The following WWOX variants were observed in gnomAD, a reference collection of about 807,000 sequenced individuals.
WWOX encodes the protein WW domain-containing oxidoreductase.
Under a neutral mutation model 46.2 loss-of-function variants are expected in WWOX, and 69 were observed. The observed-to-expected ratio is 1.49, with a 90% CI of 1.23 to 1.82. The LOEUF is 1.82. WWOX is among the 40% of genes most tolerant of loss of function. The probability of loss-of-function intolerance (pLI) is 0.00; values close to 1 mark genes in which losing one functional copy is unlikely to be tolerated. For synonymous variants in WWOX, 359 were observed against 202.6 expected, an observed-to-expected ratio of 1.77 and a Z score of -6.56; for missense variants, 919 against 542.6, an observed-to-expected ratio of 1.69 and a Z score of -6.89.
rs940090519 is a variant in WWOX, at chr16:78,961,457, GTGGATGGATGGA to G, written c.1057-250137_1057-250126del. ...GATACATGGATGGATGGATGGATGG[GTGGATGGATGGA>G]TGGATGGATGGATAGGTAGATGGAT... is the stretch of plus-strand genomic sequence containing the variant. On this transcript the variant is annotated intron_variant, in intron 8 of 8. Coordinates refer to ENST00000566780, the MANE Select transcript of WWOX (RefSeq NM_016373.4). Among the ~76,000 whole-genome samples, 4 of 151,754 alleles carry G rather than the reference GTGGATGGATGGA, an allele frequency of 2.6e-5. No homozygotes were observed. In the South Asian group the frequency reaches 6.3e-4, roughly 24 times the overall value.
intron 5 of WWOX, among the ~76,000 whole-genome samples, chr16:78,165,544 G>A (rs1275832006): frequency 6.6e-6 from 1 of 152,146 alleles, no homozygotes; most frequent in Admixed American, 6.5e-5. Flanking sequence ...GGTCAGATGG[G>A]GTAGGGGAAT....
At chr16:78,572,602 C>CAAAAAAAA (rs35178787) in intron 8 of WWOX, among the ~76,000 whole-genome samples, 4 of 41,500 alleles carry the variant, frequency 9.6e-5, no homozygotes, top group Non-Finnish European at 1.3e-4. Flanking sequence ...GACTCTGTCT[C>CAAAAAAAA]AAAAAAAAAA....
At chr16:78,109,749 C>T in intron 2 of WWOX, 29 bp from the exon 3 acceptor site, 1 of 1,613,624 alleles carries the variant, frequency 6.2e-7, no homozygotes, top group African/African-American at 1.3e-5. Flanking sequence ...CTCCCTGGCA[C>T]CTGTAGACCT....
At chr16:79,145,056 C>T (rs910025053) in intron 8 of WWOX, among the ~76,000 whole-genome samples, 2 of 152,146 alleles carry the variant, frequency 1.3e-5, no homozygotes, top group Admixed American at 6.5e-5. Context: ...TGTAAGTGAG[C>T]GCGTTCTTGG....
intron 8 of WWOX, among the ~76,000 whole-genome samples, chr16:78,978,535 G>C (rs2151330893): frequency 6.6e-6 from 1 of 152,294 alleles, no homozygotes; most frequent in East Asian, 1.9e-4. Context: ...AAATGCCTGA[G>C]ACTGGGTAAT....
chr16:78,712,317 C>G (rs1455583921), intron 8 of WWOX, among the ~76,000 whole-genome samples: 6 of 152,028 alleles, frequency 3.9e-5, no homozygotes, highest in Non-Finnish European at 4.4e-5. Flanking sequence ...TCCTGGCCAA[C>G]CTGGTGAAAC....
rs903851159 is a variant in WWOX at position 79,075,725 on chromosome 16, G to A, written c.1057-135883G>A. Among the ~76,000 whole-genome samples, 5 of 151,884 alleles carry A rather than the reference G, an allele frequency of 3.3e-5. No individual in the cohort carries two copies. The East Asian group carries it at 7.7e-4, about 23-fold the overall frequency. ...ACATCACCACACCTGGCTACTTTTTGTATTTTTAGTAGAGATGGGGTCTCA... is the reference window on the plus strand; with the variant it reads ...ACATCACCACACCTGGCTACTTTTTATATTTTTAGTAGAGATGGGGTCTCA... On this transcript the variant is annotated intron_variant, in intron 8 of 8. Transcript: ENST00000566780.
chr16:78,655,726 C>A (rs1483951149), intron 8 of WWOX, among the ~76,000 whole-genome samples: 1 of 151,936 alleles, frequency 6.6e-6, no homozygotes, highest in Non-Finnish European at 1.5e-5. Flanking sequence ...GGCTGTGGTT[C>A]CTATTATAGA....
chr16:78,553,958 A>G (rs1447648552), intron 8 of WWOX, among the ~76,000 whole-genome samples: 2 of 152,060 alleles, frequency 1.3e-5, no homozygotes, highest in African/African-American at 4.8e-5. Flanking sequence ...GTCATACAGC[A>G]GAGGGCTGTG....
intron 8 of WWOX, among the ~76,000 whole-genome samples, chr16:78,904,359 G>A (rs1015565191): frequency 6.7e-5 from 10 of 149,746 alleles, no homozygotes; most frequent in South Asian, 2.1e-4. Context: ...CTGCCTCAGC[G>A]TCCTGAGTAG....
intron 8 of WWOX, among the ~76,000 whole-genome samples, chr16:78,440,613 T>G (rs1221677603): frequency 1.1e-5 from 1 of 92,264 alleles, no homozygotes; most frequent in Non-Finnish European, 1.9e-5. Flanking sequence ...ATTTCTGTAG[T>G]TTTTTTTTTT....
chr16:78,866,706 C>T (rs377564037), intron 8 of WWOX, among the ~76,000 whole-genome samples: 1 of 152,188 alleles, frequency 6.6e-6, no homozygotes, highest in Non-Finnish European at 1.5e-5. Context: ...GCAGAGCACG[C>T]AAATCAAGGA....
At chr16:78,187,961 A>G (rs1289162075) in intron 5 of WWOX, among the ~76,000 whole-genome samples, 1 of 152,226 alleles carries the variant, frequency 6.6e-6, no homozygotes, top group African/African-American at 2.4e-5. Context: ...ATTAGGTATT[A>G]TGGATGCATT....
intron 8 of WWOX, among the ~76,000 whole-genome samples, chr16:78,671,187 C>T (rs1183034425): frequency 1.3e-5 from 2 of 152,182 alleles, no homozygotes; most frequent in African/African-American, 4.8e-5. Flanking sequence ...CTTTGGGAGG[C>T]TGAGGCAGGT....
chr16:78,627,887 C>G (rs993012244), intron 8 of WWOX, among the ~76,000 whole-genome samples: 3 of 152,198 alleles, frequency 2.0e-5, no homozygotes, highest in African/African-American at 7.2e-5. Context: ...AGGCAAGAAT[C>G]CCGTGGATTT....
At chr16:78,313,067 C>A (rs978280250) in intron 5 of WWOX, among the ~76,000 whole-genome samples, 1 of 152,202 alleles carries the variant, frequency 6.6e-6, no homozygotes, top group Admixed American at 6.5e-5. Flanking sequence ...CAGATTACTT[C>A]TTTTTCAACA....
intron 8 of WWOX, among the ~76,000 whole-genome samples, chr16:78,486,682 C>G (rs2084645962): frequency 1.3e-5 from 2 of 152,168 alleles, no homozygotes; most frequent in Non-Finnish European, 2.9e-5. Context: ...TTAAGGAATT[C>G]TCTGCCTTAG....
At chr16:78,714,168 A>G (rs181586914) in intron 8 of WWOX, among the ~76,000 whole-genome samples, 19 of 152,304 alleles carry the variant, frequency 1.2e-4, no homozygotes, top group Admixed American at 6.5e-4. Flanking sequence ...CATTTCTTCA[A>G]CATATATGTC....
At chr16:78,363,631 G>C (rs979465247) in intron 5 of WWOX, among the ~76,000 whole-genome samples, 6 of 152,088 alleles carry the variant, frequency 3.9e-5, no homozygotes, top group African/African-American at 1.2e-4. Context: ...AGTCCCAGAA[G>C]GTAAGATATT....
Sources: gnomAD v4.1 joint callset for allele counts (sites outside exome capture counted in the v4.1 genomes callset) on GRCh38, gnomAD v4.1.1 for gene constraint, MANE v1.5 for transcripts, NCBI Gene and HGNC (gene_info 2026-07-23, HGNC 2026-07-21) for gene names.